The following KCNU1 variants were observed in gnomAD, a reference collection of about 807,000 sequenced individuals.
KCNU1 encodes the protein potassium channel subfamily U member 1.
Under a neutral mutation model 126.8 loss-of-function variants are expected in KCNU1, and 93 were observed. That is an observed-to-expected ratio of 0.73 (90% CI 0.62 to 0.87). The LOEUF (loss-of-function observed/expected upper bound fraction) is 0.87. KCNU1 is among the 40% of genes least tolerant of loss of function. The pLI is 0.00. For missense variants in KCNU1, 1,330 were observed against 1,367.1 expected (o/e 0.97, Z 0.43); for synonymous variants, 523 against 494.2 (o/e 1.06, Z -0.77).
intron 12 of KCNU1, among the ~76,000 whole-genome samples, chr8:36,835,399 C>T (rs1206078243): frequency 6.6e-6 from 1 of 150,832 alleles, no homozygotes; most frequent in African/African-American, 2.4e-5. Context: ...TGCTGGAGGG[C>T]AGTGGCGTGA....
intron 10 of KCNU1, among the ~76,000 whole-genome samples, chr8:36,830,211 G>C (rs529488226): frequency 1.2e-4 from 18 of 151,204 alleles, no homozygotes; most frequent in Non-Finnish European, 1.8e-4. Context: ...TAAACTATTT[G>C]TCTGAAATAG....
At chr8:36,799,255 C>T (rs1163660047) in intron 2 of KCNU1, among the ~76,000 whole-genome samples, 1 of 152,106 alleles carries the variant, frequency 6.6e-6, no homozygotes, top group Non-Finnish European at 1.5e-5. Flanking sequence ...TTGCAGATAA[C>T]CCATGTTTTT....
chr8:36,801,427 CTA>C (rs1803300137), intron 2 of KCNU1, among the ~76,000 whole-genome samples: 1 of 138,492 alleles, frequency 7.2e-6, no homozygotes, highest in Admixed American at 7.5e-5. Flanking sequence ...TTCTTTGTTT[CTA>C]TCTTTTTTTT....
chr8:36,880,875 A>G (rs998040962), intron 19 of KCNU1, among the ~76,000 whole-genome samples: 1 of 152,246 alleles, frequency 6.6e-6, no homozygotes, highest in African/African-American at 2.4e-5. Flanking sequence ...ATGCACAGAA[A>G]GAATTGAATA....
intron 19 of KCNU1, among the ~76,000 whole-genome samples, chr8:36,882,622 T>C (rs921949154): frequency 3.3e-5 from 5 of 152,150 alleles, no homozygotes; most frequent in Non-Finnish European, 7.4e-5. Flanking sequence ...TTGCTCTTGT[T>C]GCCCAGGCTG....
chr8:36,894,819 C>A (rs1027728943), intron 19 of KCNU1, among the ~76,000 whole-genome samples: 4 of 151,990 alleles, frequency 2.6e-5, no homozygotes, highest in African/African-American at 9.7e-5. Context: ...CAGAAACAGT[C>A]CTAGTTAGAC....
At chr8:36,912,692 C>A (rs1439989180) in intron 22 of KCNU1, among the ~76,000 whole-genome samples, 1 of 152,058 alleles carries the variant, frequency 6.6e-6, no homozygotes, top group African/African-American at 2.4e-5. Flanking sequence ...GCAGTATAGG[C>A]AGGGCGCGGT....
intron 2 of KCNU1, among the ~76,000 whole-genome samples, chr8:36,801,500 G>A (rs143337434): frequency 6.6e-5 from 10 of 151,208 alleles, no homozygotes; most frequent in Non-Finnish European, 8.8e-5. Flanking sequence ...GGTTGTAAAC[G>A]TAAGTAATAT....
chr8:36,811,700 G>A (rs1222217174), intron 7 of KCNU1, among the ~76,000 whole-genome samples: 1 of 152,110 alleles, frequency 6.6e-6, no homozygotes. Flanking sequence ...GGGAGGCCAG[G>A]GGAGGCACAT....
intron 16 of KCNU1, among the ~76,000 whole-genome samples, chr8:36,841,493 A>G (rs1480406474): frequency 1.3e-5 from 2 of 152,150 alleles, no homozygotes; most frequent in Non-Finnish European, 2.9e-5. Flanking sequence ...GGAGTTCAAG[A>G]GCAGCCTGGC....
intron 2 of KCNU1, among the ~76,000 whole-genome samples, chr8:36,791,930 A>C (rs922427507): frequency 6.6e-6 from 1 of 152,132 alleles, no homozygotes; most frequent in Non-Finnish European, 1.5e-5. Context: ...ACCATCAAGC[A>C]TCAAGAATTT....
chr8:36,935,248 C>T (rs538361652), intron 26 of KCNU1, among the ~76,000 whole-genome samples: 1 of 152,186 alleles, frequency 6.6e-6, no homozygotes, highest in Admixed American at 6.5e-5. Flanking sequence ...AGGAGGACAC[C>T]ATGCCCAGAG....
At chr8:36,872,544 A>AT (rs772790516) in intron 19 of KCNU1, among the ~76,000 whole-genome samples, 5 of 152,162 alleles carry the variant, frequency 3.3e-5, no homozygotes, top group African/African-American at 7.2e-5. Context: ...TGTGGCTCAG[A>AT]TCCCCCATCC....
At chr8:36,822,653 A>G (rs956891092) in intron 10 of KCNU1, among the ~76,000 whole-genome samples, 21 of 152,212 alleles carry the variant, frequency 1.4e-4, no homozygotes, top group East Asian at 1.9e-4. Flanking sequence ...TTATATTTCC[A>G]TAAGTCAGAC....
intron 19 of KCNU1, among the ~76,000 whole-genome samples, chr8:36,872,345 C>G (rs1020018966): frequency 6.6e-6 from 1 of 152,080 alleles, no homozygotes; most frequent in African/African-American, 2.4e-5. Context: ...CTATGTACAT[C>G]CAATACCACA....
chr8:36,927,499 T>G (rs1464774208), intron 24 of KCNU1, among the ~76,000 whole-genome samples: 1 of 152,182 alleles, frequency 6.6e-6, no homozygotes, highest in Non-Finnish European at 1.5e-5. Flanking sequence ...CACTTTCCCT[T>G]ACTTCTAAGG....
chr8:36,893,412 TC>T (rs995238611), intron 19 of KCNU1, among the ~76,000 whole-genome samples: 4 of 151,998 alleles, frequency 2.6e-5, no homozygotes, highest in African/African-American at 9.7e-5. Flanking sequence ...TTAAAATGCC[TC>T]CGGAAAAATT....
At chr8:36,793,594 C>T (rs953889355) in intron 2 of KCNU1, among the ~76,000 whole-genome samples, 1 of 152,034 alleles carries the variant, frequency 6.6e-6, no homozygotes, top group Non-Finnish European at 1.5e-5. Context: ...TTCAAATGTG[C>T]TCTCCAATTT....
At chr8:36,878,157 G>T (rs1806340950) in intron 19 of KCNU1, among the ~76,000 whole-genome samples, 2 of 152,124 alleles carry the variant, frequency 1.3e-5, no homozygotes, top group Admixed American at 6.5e-5. Context: ...TTAAAAAGCT[G>T]ATTTAGCAAT....
Sources: allele counts gnomAD v4.1 joint callset (sites outside exome capture counted in the v4.1 genomes callset), GRCh38; gene constraint gnomAD v4.1.1; transcripts MANE v1.5; gene names NCBI Gene and HGNC (gene_info 2026-07-23, HGNC 2026-07-21).